RASSF2: variants seen among roughly 807,000 people sequenced by gnomAD.
The protein encoded by RASSF2 is Ras association domain family member 2, also known as ras association domain-containing protein 2.
A neutral mutation model predicts 46.3 loss-of-function variants in RASSF2; 34 were observed. The ratio of observed to expected loss-of-function variants is 0.73; its 90% CI spans 0.56 to 0.98. The LOEUF (loss-of-function observed/expected upper bound fraction) is 0.98, where lower values mean the gene tolerates loss of function less well. Ranked by LOEUF, RASSF2 falls within the 50% of genes least tolerant of loss-of-function variation. The pLI is 0.00. For synonymous variants in RASSF2, 158 were observed against 162.5 expected, an observed-to-expected ratio of 0.97 and a Z score of 0.21; for missense variants, 364 against 431.2, an observed-to-expected ratio of 0.84 and a Z score of 1.38.
At chr20:4,793,308 A>G (rs1926064180) in intron 5 of RASSF2, among the ~76,000 whole-genome samples, 5 of 152,220 alleles carry the variant, frequency 3.3e-5, no homozygotes, top group Admixed American at 3.3e-4. Flanking sequence ...TCAGAAAAAC[A>G]TCCAAAATCA....
chr20:4,805,287 G>C (rs1036549806), intron 2 of RASSF2, among the ~76,000 whole-genome samples: 8 of 152,116 alleles, frequency 5.3e-5, no homozygotes, highest in Non-Finnish European at 1.0e-4. Context: ...TAAGAGGGAG[G>C]CTCTGCCACA....
chr20:4,798,364 A>G (rs1926546780), intron 3 of RASSF2, among the ~76,000 whole-genome samples: 1 of 152,186 alleles, frequency 6.6e-6, no homozygotes, highest in African/African-American at 2.4e-5. Flanking sequence ...TCGTCTACCG[A>G]CAATACTCCC....
intron 3 of RASSF2, 109 bp downstream of exon 3, chr20:4,800,863 C>A (rs1196042392): frequency 5.5e-6 from 5 of 905,174 alleles, no homozygotes; most frequent in East Asian, 2.5e-5. Context: ...AGGAGCCCCA[C>A]CAGTCTGATA....
chr20:4,789,943 C>G (rs1258563863), intron 7 of RASSF2, among the ~76,000 whole-genome samples: 1 of 152,190 alleles, frequency 6.6e-6, no homozygotes, highest in Non-Finnish European at 1.5e-5. Context: ...TCTGACCACT[C>G]TCCCACCATG....
At chr20:4,800,769 C>G (rs1484278973) in intron 3 of RASSF2, among the ~76,000 whole-genome samples, 3 of 152,076 alleles carry the variant, frequency 2.0e-5, no homozygotes, top group Non-Finnish European at 2.9e-5. Flanking sequence ...CCAGGCCAGG[C>G]TCTCGGGACA....
chr20:4,803,590 CA>C (rs61078549), intron 2 of RASSF2, among the ~76,000 whole-genome samples: 11 of 150,652 alleles, frequency 7.3e-5, no homozygotes, highest in South Asian at 2.1e-4. Flanking sequence ...CCCATCTCTA[CA>C]AAAAAAAATT....
chr20:4,795,785 C>T lies in RASSF2; in HGVS notation c.287+30G>A, dbSNP rs1368097262. On this transcript the variant is annotated intron_variant, in intron 5 of 11. Transcript: ENST00000379400. The surrounding 1 kb of genome is among the most constrained non-coding windows in gnomAD (Gnocchi z 4.0). ...ACATAGAACACCCAAGCATCCCAGT[C>T]ATCTCCCTGCCCCGTCTCTCCTCAC... The T allele has an allele frequency of 3.8e-6, 6 of 1,591,032 alleles. No individual in the cohort carries two copies. Among genetic ancestry groups the T allele is most frequent in the Non-Finnish European group, 5.1e-6 (6 of 1,167,174 alleles).
intron 2 of RASSF2, among the ~76,000 whole-genome samples, chr20:4,809,548 T>C (rs1435999236): frequency 6.6e-6 from 1 of 152,164 alleles, no homozygotes; most frequent in African/African-American, 2.4e-5. Flanking sequence ...GCTTCCTCTC[T>C]GGCCCCCAGC....
chr20:4,796,026 T>G, intron 4 of RASSF2, 60 bp from the exon 5 acceptor site: 1 of 1,438,396 alleles, frequency 7.0e-7, no homozygotes, highest in Non-Finnish European at 9.2e-7. Context: ...GCCAAGACCA[T>G]GCTGAGGGAC....
chr20:4,787,736 G>T lies in RASSF2; in HGVS notation c.710C>A (p.Ala237Asp), dbSNP rs1215177099. ...HTSGEKQKLK[A>D]TDYPLIARIL... is the part of the protein sequence containing the mutation. ...TCGGGCAATCAGCGGGTAATCGGTG[G>T]CCTTCAGCTTCTGTTTCTCTGCAAC... Residue 237 changes from alanine (A) to aspartate (D), a missense_variant, in exon 10 of 12, where the codon GCC becomes GAC. By Grantham distance (126) the Ala-to-Asp change is moderately radical. Transcript: ENST00000379400. 7 of 1,614,028 alleles carry T rather than the reference G, an allele frequency of 4.3e-6. No individual in the cohort carries two copies. In the African/African-American group the frequency reaches 9.3e-5, roughly 22 times the overall value.
At chr20:4,786,407 G>A in intron 10 of RASSF2, 79 bp from the exon 11 acceptor site, 1 of 1,217,072 alleles carries the variant, frequency 8.2e-7, no homozygotes, top group South Asian at 1.2e-5. Flanking sequence ...CCTTATACAA[G>A]GCACAAAGCC....
intron 2 of RASSF2, among the ~76,000 whole-genome samples, chr20:4,810,515 G>A (rs1927698192): frequency 6.6e-6 from 1 of 152,100 alleles, no homozygotes; most frequent in African/African-American, 2.4e-5. Flanking sequence ...CCTTTCCTTG[G>A]TCTCAGAGCA....
rs886917909 is a variant in RASSF2 at position 4,812,421 on chromosome 20, G to A, written c.-33+9908C>T. Among the ~76,000 whole-genome samples the A allele has an allele frequency of 3.9e-5, 6 of 152,242 alleles. No homozygotes were observed. Among genetic ancestry groups the A allele is most frequent in the Non-Finnish European group, 8.8e-5 (6 of 68,032 alleles). ...GGAGCTGAGGCTCAAATCCAGGGCG[G>A]TGCAGGTGCCAAGCGGAACCCCTGT... is the stretch of plus-strand genomic sequence containing the variant. On this transcript the variant is annotated intron_variant, in intron 2 of 11. Coordinates refer to ENST00000379400, the MANE Select transcript of RASSF2 (RefSeq NM_014737.3). The surrounding 1 kb of genome is among the most constrained non-coding windows in gnomAD (Gnocchi z 4.0).
rs1925739857 is a variant in RASSF2 at position 4,790,066 on chromosome 20, T to G, written c.538-369A>C. Among the ~76,000 whole-genome samples the G allele has an allele frequency of 6.6e-6, 1 of 152,160 alleles. No homozygotes were observed. The highest frequency in any genetic ancestry group is 2.4e-5 in the African/African-American group (1 of 41,442). ...CAGGTCTGAGACCTGCAGCTCTGCT[T>G]CAGCTCTGGGAAAAGCCAGACCATA... On this transcript the variant is annotated intron_variant, in intron 7 of 11. Transcript: ENST00000379400. The surrounding 1 kb of genome is among the most constrained non-coding windows in gnomAD (Gnocchi z 4.3).
At position 4,795,782 on chromosome 20, in the gene RASSF2, A is replaced by G; in HGVS notation, c.287+33T>C. The stretch of plus-strand genomic sequence containing the variant: ...AACACATAGAACACCCAAGCATCCC[A>G]GTCATCTCCCTGCCCCGTCTCTCCT... On this transcript the variant is annotated intron_variant, in intron 5 of 11. Transcript: ENST00000379400. The surrounding 1 kb of genome is among the most constrained non-coding windows in gnomAD (Gnocchi z 4.0). The G allele has an allele frequency of 6.3e-7, 1 of 1,589,946 alleles. No individual in the cohort carries two copies. Among genetic ancestry groups the G allele is most frequent in the Non-Finnish European group, 8.6e-7 (1 of 1,166,304 alleles).
chr20:4,804,030 C>G lies in RASSF2; in HGVS notation c.-32-2968G>C, dbSNP rs1380589147. Among the ~76,000 whole-genome samples, 3 of 152,104 alleles carry G rather than the reference C, an allele frequency of 2.0e-5. No homozygotes were observed. The East Asian group carries it at 5.8e-4, about 29-fold the overall frequency. ...CCACAATCACGCCACTGCACTCTAG[C>G]CTGGTCGACAGAGTAAGCCCATCTC... On this transcript the variant is annotated intron_variant, in intron 2 of 11. Transcript: ENST00000379400.
Position 4,784,269 on chromosome 20 carries a change from T to C in RASSF2, c.*4A>G. On this transcript the variant is annotated 3_prime_UTR_variant, in exon 12 of 12. Coordinates refer to ENST00000379400, the MANE Select transcript of RASSF2 (RefSeq NM_014737.3). ...GGGTGCCCAGATCCCCTCGTTCTCA[T>C]GGCTCAGATTGTTGCTGGGGTCTCG... 2 of 1,612,890 alleles carry C rather than the reference T, an allele frequency of 1.2e-6. No homozygotes were observed. The highest frequency in any genetic ancestry group is 1.7e-6 in the Non-Finnish European group (2 of 1,178,878).
At chr20:4,799,407 G>A (rs1926675207) in intron 3 of RASSF2, among the ~76,000 whole-genome samples, 1 of 152,210 alleles carries the variant, frequency 6.6e-6, no homozygotes, top group Non-Finnish European at 1.5e-5. Context: ...GGCGAGAGGT[G>A]GAGGGGGCCA....
intron 4 of RASSF2, among the ~76,000 whole-genome samples, chr20:4,796,821 A>C (rs1424973062): frequency 1.3e-5 from 2 of 152,260 alleles, no homozygotes; most frequent in Non-Finnish European, 2.9e-5. Flanking sequence ...TGCATGGCCC[A>C]GCTGCTGATT....
Sources: gnomAD v4.1 joint callset for allele counts (sites outside exome capture counted in the v4.1 genomes callset) on GRCh38, gnomAD v4.1.1 for gene constraint, Gnocchi (gnomAD v3.1) non-coding constraint, MANE v1.5 for transcripts, NCBI Gene and HGNC (gene_info 2026-07-23, HGNC 2026-07-21) for gene names.